Variants in DENND4A observed in about 807,000 individuals in gnomAD.
DENND4A encodes C-myc promoter-binding protein.
In DENND4A, 70 loss-of-function variants were observed where a neutral mutation model predicts 199.3. That is an observed-to-expected ratio of 0.35 (90% CI 0.29 to 0.43). DENND4A has a LOEUF of 0.43. DENND4A is among the 20% of genes least tolerant of loss of function. The pLI is 1.00. For missense variants in DENND4A, 1,723 were observed against 2,255.8 expected, an observed-to-expected ratio of 0.76 and a Z score of 4.78; for synonymous variants, 686 against 766.9, an observed-to-expected ratio of 0.89 and a Z score of 1.74.
chr15:65,675,698 C>G (rs2076352642), intron 24 of DENND4A, among the ~76,000 whole-genome samples: 1 of 152,114 alleles, frequency 6.6e-6, no homozygotes, highest in African/African-American at 2.4e-5. Context: ...GAAATACATT[C>G]CTCACCTATC....
intron 20 of DENND4A, among the ~76,000 whole-genome samples, chr15:65,699,306 T>G (rs2077265541): frequency 6.6e-6 from 1 of 152,178 alleles, no homozygotes; most frequent in Non-Finnish European, 1.5e-5. Flanking sequence ...GCTTCAATTT[T>G]TAAAGTTTCT....
chr15:65,696,899 G>A, intron 21 of DENND4A: 2 of 327,260 alleles, frequency 6.1e-6, no homozygotes, highest in South Asian at 3.3e-5. Flanking sequence ...AAACATGGAT[G>A]AATACCCAAT....
chr15:65,758,866 C>T (rs1413636168), intron 2 of DENND4A, among the ~76,000 whole-genome samples: 1 of 152,080 alleles, frequency 6.6e-6, no homozygotes, highest in East Asian at 1.9e-4. Flanking sequence ...AGCCGATAAA[C>T]TTTGCTTAAC....
intron 29 of DENND4A, 85 bp downstream of exon 29, chr15:65,667,364 G>C (rs1364376039): frequency 1.4e-6 from 2 of 1,420,594 alleles, no homozygotes; most frequent in African/African-American, 1.4e-5. Context: ...CATAAAAACA[G>C]ACCTTACTTT....
chr15:65,762,951 A>T (rs2076889761), intron 1 of DENND4A, among the ~76,000 whole-genome samples: 4 of 152,218 alleles, frequency 2.6e-5, no homozygotes. Context: ...AATTCTTCTG[A>T]ACAAGAGAAT....
chr15:65,746,718 C>G (rs1175976486), intron 4 of DENND4A, among the ~76,000 whole-genome samples: 1 of 151,666 alleles, frequency 6.6e-6, no homozygotes, highest in Admixed American at 6.6e-5. Flanking sequence ...AAATCAAATG[C>G]TGACATTCTT....
At position 65,747,081 on chromosome 15, in the gene DENND4A, G is replaced by A. The variant is rs116915335; in HGVS notation, c.562-5297C>T. 4.6e-5 allele frequency among the ~76,000 whole-genome samples: 7 copies of A among 151,274 alleles called. No homozygotes were observed. In the East Asian group the frequency reaches 1.2e-3, roughly 26 times the overall value. On this transcript the variant is annotated intron_variant, in intron 4 of 32. Coordinates refer to ENST00000443035, the MANE Select transcript of DENND4A (RefSeq NM_001320835.1). ...AGATCGCACCACTACACTCCATCCT[G>A]GGTGACAAAGTGAGACTCTGTTTAA...
intron 1 of DENND4A, among the ~76,000 whole-genome samples, chr15:65,763,009 T>A (rs999997156): frequency 6.6e-6 from 1 of 152,216 alleles, no homozygotes; most frequent in Non-Finnish European, 1.5e-5. Context: ...CTTATTTTTT[T>A]AAATTAAGTA....
chr15:65,776,985 C>T (rs1456438772), intron 1 of DENND4A, among the ~76,000 whole-genome samples: 10 of 151,920 alleles, frequency 6.6e-5, no homozygotes, highest in Non-Finnish European at 1.5e-5. Flanking sequence ...CTGGACAACA[C>T]GGTGAAACCC....
chr15:65,705,846 C>A, intron 15 of DENND4A: 1 of 263,730 alleles, frequency 3.8e-6, no homozygotes, highest in Non-Finnish European at 5.9e-6. Flanking sequence ...TCAACATTTA[C>A]AAGGAGAGAT....
At chr15:65,715,422 C>G (rs577881878) in intron 14 of DENND4A, 56 bp downstream of exon 14, 2 of 1,481,394 alleles carry the variant, frequency 1.4e-6, no homozygotes, top group African/African-American at 2.8e-5. Context: ...TAACTCATAA[C>G]ATTTATAACA....
chr15:65,667,832 A>T, intron 28 of DENND4A, 93 bp downstream of exon 28: 1 of 1,494,340 alleles, frequency 6.7e-7, no homozygotes, highest in Non-Finnish European at 9.0e-7. Flanking sequence ...CTTCTTGGCA[A>T]TAATAAAGCT....
intron 11 of DENND4A, among the ~76,000 whole-genome samples, chr15:65,724,208 G>A (rs574117517): frequency 5.3e-5 from 8 of 152,062 alleles, no homozygotes; most frequent in South Asian, 2.1e-4. Context: ...GACTACAGGC[G>A]CGCACCCCTA....
intron 12 of DENND4A, among the ~76,000 whole-genome samples, chr15:65,719,597 T>C (rs2075541870): frequency 6.6e-6 from 1 of 152,132 alleles, no homozygotes; most frequent in Non-Finnish European, 1.5e-5. Context: ...CTGTCAAAGA[T>C]GTGTGACCTG....
At chr15:65,721,711 C>T (rs2075651987) in intron 12 of DENND4A, among the ~76,000 whole-genome samples, 1 of 151,856 alleles carries the variant, frequency 6.6e-6, no homozygotes, top group African/African-American at 2.4e-5. Context: ...AGTGGTCCTC[C>T]CGCGTGGTCC....
chr15:65,757,423 G>A (rs2076735629), intron 2 of DENND4A, among the ~76,000 whole-genome samples: 1 of 152,116 alleles, frequency 6.6e-6, no homozygotes, highest in South Asian at 2.1e-4. Flanking sequence ...TGGGAGATAA[G>A]CACTTCAGAC....
At chr15:65,750,761 G>C (rs186135281) in intron 4 of DENND4A, among the ~76,000 whole-genome samples, 1 of 151,044 alleles carries the variant, frequency 6.6e-6, no homozygotes, top group African/African-American at 2.4e-5. Flanking sequence ...AGTAATAAAA[G>C]AACAAAGACA....
At chr15:65,672,133 C>G (rs2076237154) in intron 24 of DENND4A, among the ~76,000 whole-genome samples, 1 of 152,154 alleles carries the variant, frequency 6.6e-6, no homozygotes, top group Non-Finnish European at 1.5e-5. Flanking sequence ...CCACTCATTA[C>G]TGACTTACTA....
intron 11 of DENND4A, among the ~76,000 whole-genome samples, chr15:65,723,903 T>A (rs190504676): frequency 8.4e-4 from 128 of 152,282 alleles, no homozygotes; most frequent in African/African-American, 3.0e-3. Flanking sequence ...AACTATTGTA[T>A]CTTTGTTTCT....
Sources: allele counts gnomAD v4.1 joint callset (sites outside exome capture counted in the v4.1 genomes callset), GRCh38; gene constraint gnomAD v4.1.1; transcripts MANE v1.5; gene names NCBI Gene and HGNC (gene_info 2026-07-23, HGNC 2026-07-21).